BORCS5: variants seen among roughly 807,000 people sequenced by gnomAD.
BORCS5 encodes the protein BLOC-1-related complex subunit 5.
A neutral mutation model predicts 22.1 loss-of-function variants in BORCS5; 17 were observed. The observed-to-expected ratio is 0.77, with a 90% CI of 0.53 to 1.15. BORCS5 has a LOEUF of 1.15. Ranked by LOEUF, BORCS5 falls within the 50% of genes most tolerant of loss-of-function variation. The pLI, the probability that BORCS5 is intolerant of heterozygous loss-of-function variation, is 0.00. For synonymous variants in BORCS5, 117 were observed against 99.8 expected, an observed-to-expected ratio of 1.17 and a Z score of -1.03; for missense variants, 247 against 253.2, an observed-to-expected ratio of 0.98 and a Z score of 0.17.
chr12:12,412,900 CTTTTTTTTTTT>C (rs869045354), intron 2 of BORCS5, among the ~76,000 whole-genome samples: 47 of 74,206 alleles, frequency 6.3e-4, no homozygotes, highest in African/African-American at 2.1e-3. Context: ...TTGTGGTTTT[CTTTTTTTTTTT>C]TTTTTTTTTT....
At chr12:12,365,552 A>G (rs1417983217) in intron 2 of BORCS5, among the ~76,000 whole-genome samples, 2 of 143,030 alleles carry the variant, frequency 1.4e-5, no homozygotes, top group African/African-American at 2.5e-5. Flanking sequence ...ACTTGATGAG[A>G]GTGGCGTGAA....
At chr12:12,428,673 A>G (rs1288583985) in intron 2 of BORCS5, among the ~76,000 whole-genome samples, 1 of 152,238 alleles carries the variant, frequency 6.6e-6, no homozygotes, top group Non-Finnish European at 1.5e-5. Flanking sequence ...AACCATAAGT[A>G]TGTGGATCAA....
chr12:12,369,499 T>G (rs1163936285), intron 2 of BORCS5, among the ~76,000 whole-genome samples: 2 of 151,696 alleles, frequency 1.3e-5, no homozygotes, highest in Non-Finnish European at 2.9e-5. Context: ...CCTGCTTCCT[T>G]GCATTACAAA....
At chr12:12,416,952 T>C (rs755603374) in intron 2 of BORCS5, among the ~76,000 whole-genome samples, 132 of 151,186 alleles carry the variant, frequency 8.7e-4, no homozygotes, top group South Asian at 1.7e-3. Flanking sequence ...TGGCTACTTT[T>C]TGTATTTTTT....
At chr12:12,381,271 T>G (rs1863769725) in intron 2 of BORCS5, among the ~76,000 whole-genome samples, 1 of 151,398 alleles carries the variant, frequency 6.6e-6, no homozygotes, top group African/African-American at 2.4e-5. Context: ...TTAATCTTGA[T>G]GAAGTTCAGT....
chr12:12,375,659 G>A (rs899837445), intron 2 of BORCS5, among the ~76,000 whole-genome samples: 3 of 152,166 alleles, frequency 2.0e-5, no homozygotes, highest in South Asian at 4.2e-4. Context: ...ATTTAATAAC[G>A]TTTAAATATT....
At position 12,430,241 on chromosome 12, in the gene BORCS5, C is replaced by T. The variant is rs568641695; in HGVS notation, c.203-5387C>T. 4.4e-4 allele frequency among the ~76,000 whole-genome samples: 64 copies of T among 145,046 alleles called. 1 individual carries two copies. Among genetic ancestry groups the T allele is most frequent in the East Asian group, 2.0e-3 (10 of 4,998 alleles). ...TCTCGGCTCACTGCAAGCTCTGCCT[C>T]CTGGGTTCACGCCATTCTCCTGCCT... On this transcript the variant is annotated intron_variant, in intron 2 of 3. Transcript: ENST00000314565.
At chr12:12,421,486 AT>A (rs1837085423) in intron 2 of BORCS5, among the ~76,000 whole-genome samples, 2 of 152,214 alleles carry the variant, frequency 1.3e-5, no homozygotes, top group Non-Finnish European at 2.9e-5. Context: ...ATCGATGTTC[AT>A]CAGGGATATT....
At chr12:12,373,576 C>CT (rs895572460) in intron 2 of BORCS5, among the ~76,000 whole-genome samples, 1 of 152,102 alleles carries the variant, frequency 6.6e-6, no homozygotes, top group African/African-American at 2.4e-5. Context: ...TAAAAAAATG[C>CT]TTTTTAATCC....
chr12:12,367,284 C>G (rs1252429758), intron 2 of BORCS5, among the ~76,000 whole-genome samples: 1 of 152,218 alleles, frequency 6.6e-6, no homozygotes, highest in African/African-American at 2.4e-5. Flanking sequence ...AAAGTCTTTG[C>G]ATTCATCAGA....
chr12:12,366,921 T>C (rs1368633575), intron 2 of BORCS5, among the ~76,000 whole-genome samples: 6 of 152,248 alleles, frequency 3.9e-5, no homozygotes, highest in African/African-American at 1.4e-4. Context: ...ATTGTATTGC[T>C]GCCTATGGAA....
intron 2 of BORCS5, among the ~76,000 whole-genome samples, chr12:12,419,369 T>A (rs1389625910): frequency 6.6e-6 from 1 of 152,200 alleles, no homozygotes; most frequent in East Asian, 1.9e-4. Context: ...GCAAAGGACA[T>A]GAACTCATCC....
intron 3 of BORCS5, among the ~76,000 whole-genome samples, chr12:12,451,496 G>C (rs1161865440): frequency 6.6e-6 from 1 of 150,452 alleles, no homozygotes; most frequent in Non-Finnish European, 1.5e-5. Flanking sequence ...ATACATAGAG[G>C]CATGCCGTAG....
At chr12:12,409,974 T>C (rs1410293462) in intron 2 of BORCS5, among the ~76,000 whole-genome samples, 3 of 152,270 alleles carry the variant, frequency 2.0e-5, no homozygotes, top group Non-Finnish European at 4.4e-5. Flanking sequence ...ATTTCTCTGA[T>C]GGCCAGTGAT....
At chr12:12,426,566 C>T (rs551604449) in intron 2 of BORCS5, among the ~76,000 whole-genome samples, 2 of 152,296 alleles carry the variant, frequency 1.3e-5, no homozygotes, top group South Asian at 4.1e-4. Context: ...CAAATGGGTG[C>T]CTAACACAGA....
intron 2 of BORCS5, among the ~76,000 whole-genome samples, chr12:12,404,218 G>A (rs1022358827): frequency 2.6e-5 from 4 of 152,180 alleles, no homozygotes; most frequent in African/African-American, 9.7e-5. Flanking sequence ...GGAGGAACTA[G>A]GCACTTGAGC....
chr12:12,421,985 A>G lies in BORCS5; in HGVS notation c.203-13643A>G, dbSNP rs934931697. On this transcript the variant is annotated intron_variant, in intron 2 of 3. Transcript: ENST00000314565. Reference sequence around the variant, plus strand: ...TGCTAGTGGTTTATCAATTTTGTTGATCTTTTCAAAAAACCAGCTCCTGGA... The same window carrying G: ...TGCTAGTGGTTTATCAATTTTGTTGGTCTTTTCAAAAAACCAGCTCCTGGA... Among the ~76,000 whole-genome samples, 5 of 151,900 alleles carry G rather than the reference A, an allele frequency of 3.3e-5. No homozygotes were observed. In the East Asian group the frequency reaches 9.7e-4, roughly 29 times the overall value.
intron 3 of BORCS5, among the ~76,000 whole-genome samples, chr12:12,446,686 AGACT>A (rs749368465): frequency 1.2e-4 from 18 of 152,344 alleles, no homozygotes; most frequent in Non-Finnish European, 1.8e-4. Flanking sequence ...CCACGTTGAC[AGACT>A]GACTATAGTA....
chr12:12,402,675 C>A (rs1941505052), intron 2 of BORCS5, among the ~76,000 whole-genome samples: 3 of 152,186 alleles, frequency 2.0e-5, no homozygotes, highest in African/African-American at 7.2e-5. Flanking sequence ...TTGAGTTCCC[C>A]TTTTTCCCAT....
Sources: gnomAD v4.1 joint callset for allele counts (sites outside exome capture counted in the v4.1 genomes callset) on GRCh38, gnomAD v4.1.1 for gene constraint, MANE v1.5 for transcripts, NCBI Gene and HGNC (gene_info 2026-07-23, HGNC 2026-07-21) for gene names.